Variants in EIF3A observed in about 807,000 individuals in gnomAD.
EIF3A encodes EIF3, p180 subunit.
A neutral mutation model predicts 186.6 loss-of-function variants in EIF3A; 21 were observed. That is an observed-to-expected ratio of 0.11 (90% CI 0.08 to 0.16). The LOEUF (loss-of-function observed/expected upper bound fraction) is 0.16, where lower values mean the gene tolerates loss of function less well. Among genes scored for constraint, EIF3A ranks in the 10% least tolerant of loss-of-function variants. The pLI is 1.00. For synonymous variants in EIF3A, 563 were observed against 584.3 expected (o/e 0.96, Z 0.52); for missense variants, 1,306 against 1,796.3 (o/e 0.73, Z 4.93).
chr10:119,039,395 G>A (rs1848178578), intron 19 of EIF3A, among the ~76,000 whole-genome samples: 1 of 151,694 alleles, frequency 6.6e-6, no homozygotes, highest in Non-Finnish European at 1.5e-5. Flanking sequence ...TAGTGGCCAG[G>A]CGTGGTGGCT....
At chr10:119,054,255 A>G (rs1307544459) in intron 14 of EIF3A, among the ~76,000 whole-genome samples, 1 of 152,068 alleles carries the variant, frequency 6.6e-6, no homozygotes, top group East Asian at 1.9e-4. Context: ...AGCTATTTGT[A>G]TTATTAACTG....
intron 6 of EIF3A, among the ~76,000 whole-genome samples, chr10:119,068,373 C>T (rs1328773057): frequency 6.6e-6 from 1 of 152,114 alleles, no homozygotes; most frequent in Non-Finnish European, 1.5e-5. Context: ...GAAAAAATGA[C>T]TTGATAGAAG....
At chr10:119,056,691 G>A (rs535309897) in intron 14 of EIF3A, 49 bp downstream of exon 14, 2 of 1,217,132 alleles carry the variant, frequency 1.6e-6, no homozygotes, top group African/African-American at 3.1e-5. Context: ...ATTACTGGCA[G>A]AGGATTTTAT....
Position 119,071,882 on chromosome 10 carries a change from G to A in EIF3A, c.542-797C>T, listed in dbSNP as rs568393761. On this transcript the variant is annotated intron_variant, in intron 4 of 21. Coordinates refer to ENST00000369144, the MANE Select transcript of EIF3A (RefSeq NM_003750.4). ...CTACTAAAAATACAAAAAATTAGCCGAGCATGGCAGCGTGCGCCTGTAGTC... is the reference window on the plus strand; with the variant it reads ...CTACTAAAAATACAAAAAATTAGCCAAGCATGGCAGCGTGCGCCTGTAGTC... 5.3e-5 allele frequency among the ~76,000 whole-genome samples: 8 copies of A among 151,930 alleles called. No homozygotes were observed. In the East Asian group the frequency reaches 5.8e-4, roughly 11 times the overall value.
At chr10:119,065,741 T>C (rs539004523) in intron 6 of EIF3A, among the ~76,000 whole-genome samples, 171 bp from the exon 7 acceptor site, 2 of 152,188 alleles carry the variant, frequency 1.3e-5, no homozygotes, top group African/African-American at 4.8e-5. Flanking sequence ...GTAAGAGAAA[T>C]GGGCTGTGTT....
chr10:119,047,187 G>A (rs970593426), intron 17 of EIF3A, among the ~76,000 whole-genome samples: 4 of 152,168 alleles, frequency 2.6e-5, no homozygotes, highest in African/African-American at 9.7e-5. Context: ...AGAATTGCTT[G>A]AAACTGGGAG....
At chr10:119,045,939 A>C (rs905287070) in intron 17 of EIF3A, among the ~76,000 whole-genome samples, 23 of 152,222 alleles carry the variant, frequency 1.5e-4, no homozygotes, top group African/African-American at 5.5e-4. Flanking sequence ...AGAACCTGGT[A>C]CAAACAAACA....
At chr10:119,050,116 G>A in intron 16 of EIF3A, 131 bp from the exon 17 acceptor site, 1 of 877,900 alleles carries the variant, frequency 1.1e-6, no homozygotes, top group African/African-American at 1.7e-5. Flanking sequence ...TTTGTAATCA[G>A]CTACAGGACA....
At chr10:119,049,191 G>A (rs1215399968) in intron 17 of EIF3A, among the ~76,000 whole-genome samples, 2 of 152,156 alleles carry the variant, frequency 1.3e-5, no homozygotes, top group Non-Finnish European at 2.9e-5. Context: ...TGGGTGCGGT[G>A]GCTCGCGCCT....
chr10:119,070,047 A>AAG (rs1242654761), intron 5 of EIF3A, among the ~76,000 whole-genome samples: 1 of 152,028 alleles, frequency 6.6e-6, no homozygotes, highest in Non-Finnish European at 1.5e-5. Context: ...ATGTTTACTT[A>AAG]TCTTCTACAG....
chr10:119,077,285 T>G (rs1015700101), intron 1 of EIF3A, among the ~76,000 whole-genome samples: 1 of 151,706 alleles, frequency 6.6e-6, no homozygotes, highest in Non-Finnish European at 1.5e-5. Flanking sequence ...GGAAATATGG[T>G]GAAAAAAATT....
chr10:119,055,135 C>A (rs1211719220), intron 14 of EIF3A, among the ~76,000 whole-genome samples: 1 of 151,858 alleles, frequency 6.6e-6, no homozygotes, highest in Non-Finnish European at 1.5e-5. Context: ...TTGAACCCGG[C>A]GGGGGCAGAG....
chr10:119,036,336 A>G, intron 21 of EIF3A, 68 bp from the exon 22 acceptor site: 1 of 986,628 alleles, frequency 1.0e-6, no homozygotes, highest in Non-Finnish European at 1.5e-6. Flanking sequence ...ATTACTCAAA[A>G]TTCCTGTACT....
At chr10:119,067,609 C>T (rs1185012662) in intron 6 of EIF3A, among the ~76,000 whole-genome samples, 3 of 151,902 alleles carry the variant, frequency 2.0e-5, no homozygotes, top group Non-Finnish European at 2.9e-5. Flanking sequence ...AAAGAAAGAC[C>T]GTATCAGAAA....
At chr10:119,075,877 T>TG (rs1320718066) in intron 1 of EIF3A, among the ~76,000 whole-genome samples, 1 of 73,020 alleles carries the variant, frequency 1.4e-5, no homozygotes, top group Admixed American at 1.8e-4. Flanking sequence ...CACGCCTGGC[T>TG]AATTTTTTTT....
chr10:119,071,169 T>C, intron 4 of EIF3A, 84 bp from the exon 5 acceptor site: 1 of 985,842 alleles, frequency 1.0e-6, no homozygotes, highest in Non-Finnish European at 1.6e-6. Context: ...CACATTAAGA[T>C]CAGTTGTTTT....
chr10:119,037,113 CTA>C lies in EIF3A; in HGVS notation c.3919+4_3919+5del, dbSNP rs772764343. On this transcript the variant is annotated splice_donor_5th_base_variant and intron_variant, in intron 21 of 21. Coordinates refer to ENST00000369144, the MANE Select transcript of EIF3A (RefSeq NM_003750.4). ...CCAATACTTCAGTTGTATGTAACCT[CTA>C]TACCTTCTTCACGTTCTGATCTGAG... 13 of 1,334,250 alleles carry C rather than the reference CTA, an allele frequency of 9.7e-6. No individual in the cohort carries two copies. The highest frequency in any genetic ancestry group is 7.7e-5 in the Admixed American group (4 of 51,708). The allele number at this position is 1,334,250 out of a possible 1,614,324, so 82.7% of individuals were successfully genotyped here.
At chr10:119,051,443 A>T in intron 14 of EIF3A, 122 bp from the exon 15 acceptor site, 1 of 1,012,586 alleles carries the variant, frequency 9.9e-7, no homozygotes, top group Non-Finnish European at 1.4e-6. Context: ...TCATGCCATA[A>T]AAATGAAAAC....
chr10:119,066,258 C>T (rs1301414195), intron 6 of EIF3A, among the ~76,000 whole-genome samples: 1 of 151,964 alleles, frequency 6.6e-6, no homozygotes, highest in Admixed American at 6.6e-5. Flanking sequence ...CCTGTAATCC[C>T]AGCACTTTGG....
Sources: gnomAD v4.1 joint callset for allele counts (sites outside exome capture counted in the v4.1 genomes callset) on GRCh38, gnomAD v4.1.1 for gene constraint, MANE v1.5 for transcripts, NCBI Gene and HGNC (gene_info 2026-07-23, HGNC 2026-07-21) for gene names.